Variants in HS3ST4 observed in about 807,000 individuals in gnomAD.
The protein encoded by HS3ST4 is heparan sulfate-glucosamine 3-sulfotransferase 4.
A neutral mutation model predicts 29.2 loss-of-function variants in HS3ST4; 17 were observed. The ratio of observed to expected loss-of-function variants is 0.58; its 90% CI spans 0.40 to 0.87. The LOEUF is 0.87. Ranked by LOEUF, HS3ST4 falls within the 40% of genes least tolerant of loss-of-function variation. HS3ST4 has a pLI of 0.00. For synonymous variants in HS3ST4, 314 were observed against 285.7 expected (o/e 1.10, Z -1.00); for missense variants, 627 against 634.5 (o/e 0.99, Z 0.13).
At chr16:26,022,143 T>C (rs943517260) in intron 1 of HS3ST4, among the ~76,000 whole-genome samples, 1 of 152,090 alleles carries the variant, frequency 6.6e-6, no homozygotes, top group Non-Finnish European at 1.5e-5. Flanking sequence ...TTTAAAATTA[T>C]TTTTTTGTAG....
intron 1 of HS3ST4, among the ~76,000 whole-genome samples, chr16:25,894,067 A>G (rs1449550130): frequency 6.6e-6 from 1 of 152,218 alleles, no homozygotes; most frequent in African/African-American, 2.4e-5. Flanking sequence ...CCTTTTGAAC[A>G]GAACAGGAGC....
intron 1 of HS3ST4, among the ~76,000 whole-genome samples, chr16:25,742,250 C>G (rs1205591231): frequency 6.6e-6 from 1 of 152,196 alleles, no homozygotes; most frequent in East Asian, 1.9e-4. Flanking sequence ...GCCCTCTTCA[C>G]ATAGTCCCAG....
intron 1 of HS3ST4, among the ~76,000 whole-genome samples, chr16:26,107,130 G>A (rs1180187327): frequency 6.6e-6 from 1 of 151,942 alleles, no homozygotes; most frequent in East Asian, 1.9e-4. Context: ...TTACCTTCTA[G>A]CATGAAAAGG....
chr16:25,847,288 G>T (rs575027119), intron 1 of HS3ST4, among the ~76,000 whole-genome samples: 2 of 152,080 alleles, frequency 1.3e-5, no homozygotes, highest in South Asian at 4.2e-4. Flanking sequence ...TCATAATTGG[G>T]ATCCCCCCCA....
At chr16:25,831,003 C>T (rs988949424) in intron 1 of HS3ST4, among the ~76,000 whole-genome samples, 2 of 152,214 alleles carry the variant, frequency 1.3e-5, no homozygotes, top group Non-Finnish European at 2.9e-5. Flanking sequence ...CATTCTGCTG[C>T]TCTTCCTCTT....
intron 1 of HS3ST4, among the ~76,000 whole-genome samples, chr16:26,066,238 A>T (rs974915257): frequency 6.6e-6 from 1 of 152,214 alleles, no homozygotes; most frequent in South Asian, 2.1e-4. Context: ...CAAACAGTAC[A>T]AGGGGTATGA....
intron 1 of HS3ST4, among the ~76,000 whole-genome samples, chr16:25,809,066 C>G (rs368693950): frequency 2.0e-5 from 3 of 152,050 alleles, no homozygotes; most frequent in Non-Finnish European, 4.4e-5. Flanking sequence ...TCTTCCTTTC[C>G]GATATCTATA....
At chr16:25,719,770 T>C (rs548582861) in intron 1 of HS3ST4, among the ~76,000 whole-genome samples, 1 of 152,346 alleles carries the variant, frequency 6.6e-6, no homozygotes, top group South Asian at 2.1e-4. Context: ...AAGACCACAG[T>C]ATATTTGCTC....
At chr16:25,913,906 G>A (rs908028803) in intron 1 of HS3ST4, among the ~76,000 whole-genome samples, 5 of 149,706 alleles carry the variant, frequency 3.3e-5, no homozygotes, top group African/African-American at 1.2e-4. Context: ...GAGTGTATGT[G>A]TGTGCATATG....
chr16:25,873,293 TC>T (rs1967777235), intron 1 of HS3ST4, among the ~76,000 whole-genome samples: 1 of 101,278 alleles, frequency 9.9e-6, no homozygotes, highest in Admixed American at 9.2e-5. Context: ...CATCCATCCA[TC>T]CATCCATCCA....
At chr16:25,769,323 T>C (rs1284189515) in intron 1 of HS3ST4, among the ~76,000 whole-genome samples, 1 of 152,164 alleles carries the variant, frequency 6.6e-6, no homozygotes, top group East Asian at 1.9e-4. Context: ...CTTTCTCACC[T>C]CTTCATCCCT....
chr16:25,901,616 A>G (rs771456977), intron 1 of HS3ST4, among the ~76,000 whole-genome samples: 71 of 152,222 alleles, frequency 4.7e-4, no homozygotes, highest in Non-Finnish European at 8.2e-4. Context: ...AGAGGTTGCA[A>G]TGAGCCGAGA....
chr16:25,792,289 T>G (rs1314023237), intron 1 of HS3ST4, among the ~76,000 whole-genome samples: 1 of 151,974 alleles, frequency 6.6e-6, no homozygotes, highest in Non-Finnish European at 1.5e-5. Flanking sequence ...AGTTTTGGCA[T>G]TAAATTAATG....
chr16:26,117,735 AG>A (rs1391134307), intron 1 of HS3ST4, among the ~76,000 whole-genome samples: 7 of 152,194 alleles, frequency 4.6e-5, no homozygotes, highest in Non-Finnish European at 1.0e-4. Flanking sequence ...GGGTGTACAA[AG>A]TGAGTGTGTA....
chr16:25,837,568 A>G (rs1026866060), intron 1 of HS3ST4, among the ~76,000 whole-genome samples: 1 of 152,236 alleles, frequency 6.6e-6, no homozygotes, highest in South Asian at 2.1e-4. Flanking sequence ...GTGCCTACCT[A>G]TGGCTATCTA....
At chr16:25,956,872 C>A (rs766343635) in intron 1 of HS3ST4, among the ~76,000 whole-genome samples, 2 of 151,784 alleles carry the variant, frequency 1.3e-5, no homozygotes, top group African/African-American at 2.4e-5. Flanking sequence ...GTGGTGGGCG[C>A]ATGTAATCTC....
chr16:26,098,883 C>T (rs1220248692), intron 1 of HS3ST4, among the ~76,000 whole-genome samples: 1 of 151,886 alleles, frequency 6.6e-6, no homozygotes, highest in African/African-American at 2.4e-5. Flanking sequence ...GAGAATGAGC[C>T]ACATGAGCTA....
At chr16:26,108,432 T>G (rs1408284034) in intron 1 of HS3ST4, among the ~76,000 whole-genome samples, 3 of 152,186 alleles carry the variant, frequency 2.0e-5, no homozygotes. Flanking sequence ...ACATCATAAA[T>G]CATGTGTAAT....
At chr16:25,876,298 T>C (rs1189421919) in intron 1 of HS3ST4, among the ~76,000 whole-genome samples, 1 of 152,124 alleles carries the variant, frequency 6.6e-6, no homozygotes, top group Admixed American at 6.6e-5. Flanking sequence ...CAAAATAAAA[T>C]ATAACTATTG....
Sources: gnomAD v4.1 joint callset for allele counts (sites outside exome capture counted in the v4.1 genomes callset) on GRCh38, gnomAD v4.1.1 for gene constraint, MANE v1.5 for transcripts, NCBI Gene and HGNC (gene_info 2026-07-23, HGNC 2026-07-21) for gene names.